Variants in NRXN3 observed in about 807,000 individuals in gnomAD.
The protein encoded by NRXN3 is neurexin 3, also known as neurexin III.
In NRXN3, 32 loss-of-function variants were observed where a neutral mutation model predicts 137.6. The observed-to-expected ratio is 0.23, with a 90% confidence interval of 0.18 to 0.31. The LOEUF (loss-of-function observed/expected upper bound fraction) is 0.31, where lower values mean the gene tolerates loss of function less well. Ranked by LOEUF, NRXN3 falls within the 10% of genes least tolerant of loss-of-function variation. NRXN3 has a pLI of 1.00. For missense variants in NRXN3, 1,574 were observed against 2,062.5 expected (o/e 0.76, Z 4.59); for synonymous variants, 798 against 784.5 (o/e 1.02, Z -0.29).
intron 5 of NRXN3, 146 bp downstream of exon 5, chr14:78,645,567 C>A: frequency 2.4e-5 from 11 of 450,876 alleles, no homozygotes; most frequent in East Asian, 4.6e-5. Flanking sequence ...CCAGTCTTTG[C>A]AATTTCACGT....
chr14:79,647,836 C>A (rs2098459076), intron 16 of NRXN3, among the ~76,000 whole-genome samples: 1 of 135,288 alleles, frequency 7.4e-6, no homozygotes, highest in African/African-American at 2.5e-5. Flanking sequence ...ATCCTCATGA[C>A]AATCTCTCAT....
chr14:78,424,643 A>T (rs1323043311), intron 4 of NRXN3, among the ~76,000 whole-genome samples: 1 of 152,224 alleles, frequency 6.6e-6, no homozygotes, highest in Non-Finnish European at 1.5e-5. Context: ...ATCTGGGCTG[A>T]TGATTCAGGT....
At chr14:79,552,696 C>A (rs899130435) in intron 16 of NRXN3, among the ~76,000 whole-genome samples, 21 of 152,022 alleles carry the variant, frequency 1.4e-4, no homozygotes, top group Middle Eastern at 3.2e-3. Flanking sequence ...CCTGGAAGAA[C>A]AGATGATAGC....
intron 4 of NRXN3, among the ~76,000 whole-genome samples, chr14:78,569,573 T>C (rs971383410): frequency 1.3e-5 from 2 of 149,944 alleles, no homozygotes; most frequent in African/African-American, 2.5e-5. Flanking sequence ...CCGCCTTTTA[T>C]TTTTTTTTGA....
chr14:78,715,730 A>G (rs925963010), intron 8 of NRXN3, among the ~76,000 whole-genome samples: 5 of 152,318 alleles, frequency 3.3e-5, no homozygotes, highest in Non-Finnish European at 7.4e-5. Flanking sequence ...ATGGTAGTCA[A>G]TATCTTTGAA....
intron 15 of NRXN3, among the ~76,000 whole-genome samples, chr14:79,375,291 C>G (rs2094235244): frequency 6.6e-6 from 1 of 150,670 alleles, no homozygotes; most frequent in Admixed American, 6.6e-5. Flanking sequence ...CAGCTCCCAC[C>G]CCCTCCCACA....
chr14:79,257,173 C>G (rs570433657), intron 15 of NRXN3, among the ~76,000 whole-genome samples: 14 of 151,814 alleles, frequency 9.2e-5, no homozygotes, highest in Non-Finnish European at 1.8e-4. Flanking sequence ...GCAGGGAGGG[C>G]GAGGGGGAGG....
intron 15 of NRXN3, among the ~76,000 whole-genome samples, chr14:79,224,875 G>C (rs1464903724): frequency 6.6e-6 from 1 of 152,198 alleles, no homozygotes; most frequent in Non-Finnish European, 1.5e-5. Flanking sequence ...ACAGCTAGAA[G>C]ACTATGGCCA....
chr14:78,994,974 G>A (rs1450641025), intron 15 of NRXN3, among the ~76,000 whole-genome samples: 6 of 152,152 alleles, frequency 3.9e-5, no homozygotes, highest in Admixed American at 2.0e-4. Flanking sequence ...CACACTGTTA[G>A]AATATAGCTG....
rs567513796 is a variant in NRXN3 at position 79,210,501 on chromosome 14, G to A, written c.3262+222360G>A. ...CGAGGATCTGTGCAACTAACACTCT[G>A]GTTTATATCTAATTTGAACTGCTGA... is the stretch of plus-strand genomic sequence containing the variant. On this transcript the variant is annotated intron_variant, in intron 15 of 20. Coordinates refer to ENST00000335750, the MANE Select transcript of NRXN3 (RefSeq NM_001330195.2). 2.0e-5 allele frequency among the ~76,000 whole-genome samples: 3 copies of A among 152,088 alleles called. No individual in the cohort carries two copies. In the South Asian group the frequency reaches 6.2e-4, roughly 32 times the overall value.
At chr14:79,316,338 G>A (rs557184843) in intron 15 of NRXN3, among the ~76,000 whole-genome samples, 2 of 152,292 alleles carry the variant, frequency 1.3e-5, no homozygotes, top group African/African-American at 4.8e-5. Flanking sequence ...ATAGGTCTCA[G>A]CTGTGGAGAT....
At chr14:79,416,999 G>A (rs576605478) in intron 15 of NRXN3, among the ~76,000 whole-genome samples, 1 of 152,236 alleles carries the variant, frequency 6.6e-6, no homozygotes, top group South Asian at 2.1e-4. Context: ...GTAGTGGAAG[G>A]CAGTAGAGAA....
At position 78,421,321 on chromosome 14, in the gene NRXN3, A is replaced by T. The variant is rs17107534; in HGVS notation, c.757+123461A>T. Among the ~76,000 whole-genome samples, 142 of 151,764 alleles carry T rather than the reference A, an allele frequency of 9.4e-4. 1 individual carries two copies. The highest frequency in any genetic ancestry group is 3.3e-3 in the African/African-American group (138 of 41,320). On this transcript the variant is annotated intron_variant, in intron 4 of 20. Coordinates refer to ENST00000335750, the MANE Select transcript of NRXN3 (RefSeq NM_001330195.2). ...GTGATTACATTGTAGGAGCTGGAGGATTGTTACTAAATCATTCAAAACAGC... is the reference window on the plus strand; with the variant it reads ...GTGATTACATTGTAGGAGCTGGAGGTTTGTTACTAAATCATTCAAAACAGC...
At chr14:79,230,539 C>T (rs2071978176) in intron 15 of NRXN3, among the ~76,000 whole-genome samples, 1 of 152,176 alleles carries the variant, frequency 6.6e-6, no homozygotes, top group Non-Finnish European at 1.5e-5. Flanking sequence ...TTGAAACAAA[C>T]CTTCTTGGTC....
At chr14:79,656,738 A>C (rs2098508252) in intron 16 of NRXN3, among the ~76,000 whole-genome samples, 1 of 151,116 alleles carries the variant, frequency 6.6e-6, no homozygotes, top group African/African-American at 2.4e-5. Context: ...TAATTGATTG[A>C]CCTCGTGCAA....
intron 2 of NRXN3, among the ~76,000 whole-genome samples, chr14:78,248,089 A>G (rs2067959123): frequency 6.6e-6 from 1 of 152,196 alleles, no homozygotes; most frequent in African/African-American, 2.4e-5. Flanking sequence ...GTCTACTGAC[A>G]AAGAAAAAGT....
At chr14:78,999,816 T>C (rs1225948162) in intron 15 of NRXN3, among the ~76,000 whole-genome samples, 2 of 152,188 alleles carry the variant, frequency 1.3e-5, no homozygotes, top group African/African-American at 4.8e-5. Context: ...CAGTTTCTTC[T>C]GTGGCACTCA....
At chr14:78,224,786 G>A (rs1191151923) in intron 1 of NRXN3, among the ~76,000 whole-genome samples, 1 of 117,264 alleles carries the variant, frequency 8.5e-6, no homozygotes, top group African/African-American at 3.3e-5. Context: ...TTGAGACGGA[G>A]TCTCGCTCTG....
intron 16 of NRXN3, among the ~76,000 whole-genome samples, chr14:79,647,996 TA>T (rs2098459687): frequency 7.4e-6 from 1 of 134,610 alleles, no homozygotes; most frequent in African/African-American, 2.5e-5. Context: ...TATTAAGGGT[TA>T]AAAAAACAAA....
Sources: allele counts gnomAD v4.1 joint callset (sites outside exome capture counted in the v4.1 genomes callset), GRCh38; gene constraint gnomAD v4.1.1; transcripts MANE v1.5; gene names NCBI Gene and HGNC (gene_info 2026-07-23, HGNC 2026-07-21).